The following NBEAL1 variants were observed in gnomAD, a reference collection of about 807,000 sequenced individuals.
NBEAL1 encodes neurobeachin like 1, also known as neurobeachin-like protein 1.
A neutral mutation model predicts 351.3 loss-of-function variants in NBEAL1; 273 were observed. The ratio of observed to expected loss-of-function variants is 0.78; its 90% CI spans 0.70 to 0.86. The LOEUF is 0.86. NBEAL1 is among the 40% of genes least tolerant of loss of function. The pLI, the probability that NBEAL1 is intolerant of heterozygous loss-of-function variation, is 0.00. For missense variants in NBEAL1, 2,961 were observed against 3,201.3 expected (o/e 0.92, Z 1.81); for synonymous variants, 1,050 against 1,086.4 (o/e 0.97, Z 0.66).
rs372736403 is a variant in NBEAL1 at position 203,172,724 on chromosome 2, T to G, written c.6199-5T>G. ...TGTCTAAATTGTAAATTATGGCTCTTTTAGTTTCCCTGGATTTTACAAGAT... is the reference window on the plus strand; with the variant it reads ...TGTCTAAATTGTAAATTATGGCTCTGTTAGTTTCCCTGGATTTTACAAGAT... On this transcript the variant is annotated splice_polypyrimidine_tract_variant and splice_region_variant and intron_variant, in intron 40 of 55. Transcript: ENST00000683969. The G allele has an allele frequency of 1.0e-4, 164 of 1,603,302 alleles. 1 individual carries two copies. Among genetic ancestry groups the G allele is most frequent in the Non-Finnish European group, 3.0e-5 (35 of 1,175,696 alleles).
In NBEAL1 at chr2:203,104,769, T is replaced by C. The variant is rs1029145648; in HGVS notation, c.1270-2651T>C. ...AGTAATGAATTCTTTTAGCATTTGCTTCTCTGAAAAGGATCTTATTCTTCC... is the reference window on the plus strand; with the variant it reads ...AGTAATGAATTCTTTTAGCATTTGCCTCTCTGAAAAGGATCTTATTCTTCC... On this transcript the variant is annotated intron_variant, in intron 12 of 55. Transcript: ENST00000683969. 2.0e-5 allele frequency among the ~76,000 whole-genome samples: 3 copies of C among 152,336 alleles called. No individual in the cohort carries two copies. The South Asian group carries it at 6.2e-4, about 32-fold the overall frequency.
chr2:203,136,275 ATGT>A (rs762780812), intron 28 of NBEAL1, 23 bp downstream of exon 28: 26 of 1,488,416 alleles, frequency 1.7e-5, no homozygotes, highest in Non-Finnish European at 2.1e-5. Flanking sequence ...ATTTTTCCAA[ATGT>A]TGTTTTTATT....
At chr2:203,141,363 A>ATTATTTTTTATTT (rs1370129192) in intron 31 of NBEAL1, among the ~76,000 whole-genome samples, 1 of 17,488 alleles carries the variant, frequency 5.7e-5, no homozygotes, top group Non-Finnish European at 1.4e-4. Context: ...TATTATTATT[A>ATTATTTTTTATTT]TTATTTTTTT....
chr2:203,155,492 A>G (rs2063776404), intron 35 of NBEAL1, among the ~76,000 whole-genome samples: 1 of 151,958 alleles, frequency 6.6e-6, no homozygotes, highest in African/African-American at 2.4e-5. Flanking sequence ...GCTGGAGTGC[A>G]GTGGTGCAGT....
At chr2:203,017,065 A>T (rs1237162900) in intron 2 of NBEAL1, among the ~76,000 whole-genome samples, 2 of 152,094 alleles carry the variant, frequency 1.3e-5, no homozygotes, top group Admixed American at 1.3e-4. Flanking sequence ...ACTCCTTAAT[A>T]TTTTTGTCAC....
At chr2:203,094,572 T>G (rs1287775447) in intron 10 of NBEAL1, among the ~76,000 whole-genome samples, 1 of 152,210 alleles carries the variant, frequency 6.6e-6, no homozygotes, top group African/African-American at 2.4e-5. Flanking sequence ...TTTCATGCTT[T>G]CTTTTTGTAT....
At chr2:203,108,293 A>G (rs1410329047) in intron 14 of NBEAL1, 105 bp downstream of exon 14, 3 of 844,372 alleles carry the variant, frequency 3.6e-6, no homozygotes, top group Non-Finnish European at 5.4e-6. Context: ...TTAGATATAC[A>G]GCTTATCTAA....
At chr2:203,179,157 ATACT>A (rs975428616) in intron 42 of NBEAL1, among the ~76,000 whole-genome samples, 2 of 152,228 alleles carry the variant, frequency 1.3e-5, no homozygotes, top group Non-Finnish European at 2.9e-5. Flanking sequence ...AGGCCATTAA[ATACT>A]TAATAAATCC....
At chr2:203,115,670 T>C (rs2106254359) in intron 17 of NBEAL1, among the ~76,000 whole-genome samples, 1 of 152,256 alleles carries the variant, frequency 6.6e-6, no homozygotes, top group East Asian at 1.9e-4. Context: ...GCTCAAGTGA[T>C]CCACCTGCTT....
chr2:203,200,609 G>A (rs572933549), intron 49 of NBEAL1, among the ~76,000 whole-genome samples: 21 of 152,118 alleles, frequency 1.4e-4, no homozygotes, highest in African/African-American at 4.1e-4. Flanking sequence ...CAGGAGAATC[G>A]CTTGAACCCA....
At chr2:203,165,041 A>G (rs2064092071) in intron 36 of NBEAL1, among the ~76,000 whole-genome samples, 1 of 152,038 alleles carries the variant, frequency 6.6e-6, no homozygotes, top group Non-Finnish European at 1.5e-5. Flanking sequence ...TTGTATTTTT[A>G]GTAGAGACGG....
chr2:203,133,943 C>T (rs2063137670), intron 27 of NBEAL1, among the ~76,000 whole-genome samples: 1 of 151,798 alleles, frequency 6.6e-6, no homozygotes, highest in Non-Finnish European at 1.5e-5. Context: ...TATTGATAGA[C>T]ATTTAGGTTG....
chr2:203,159,999 G>A (rs1372627901), intron 36 of NBEAL1, among the ~76,000 whole-genome samples: 1 of 150,540 alleles, frequency 6.6e-6, no homozygotes. Context: ...ATAATGTTGA[G>A]CATCTTTCCA....
chr2:203,127,951 G>A lies in NBEAL1; in HGVS notation c.3405+14G>A, dbSNP rs2062980747. On this transcript the variant is annotated intron_variant, in intron 24 of 55. Transcript: ENST00000683969. ...GAAGAAGAACAGGTATTATGCCTAAGATACATCTACTTTTCCTTTTTAACA... is the reference window on the plus strand; with the variant it reads ...GAAGAAGAACAGGTATTATGCCTAAAATACATCTACTTTTCCTTTTTAACA... 3 of 1,538,248 alleles carry A rather than the reference G, an allele frequency of 2.0e-6. No individual in the cohort carries two copies. Among genetic ancestry groups the A allele is most frequent in the African/African-American group, 1.4e-5 (1 of 72,630 alleles).
At chr2:203,175,058 A>G (rs1430069944) in intron 41 of NBEAL1, 89 bp from the exon 42 acceptor site, 1 of 1,139,584 alleles carries the variant, frequency 8.8e-7, no homozygotes, top group Non-Finnish European at 1.3e-6. Flanking sequence ...CTTTTTAAAA[A>G]CTGTATTTTC....
chr2:203,065,415 G>A (rs1216276815), intron 6 of NBEAL1, among the ~76,000 whole-genome samples: 4 of 152,130 alleles, frequency 2.6e-5, no homozygotes, highest in African/African-American at 7.2e-5. Flanking sequence ...TAGGTATGAT[G>A]TGAGTACAAT....
intron 27 of NBEAL1, among the ~76,000 whole-genome samples, chr2:203,134,874 A>T (rs181597801): frequency 3.8e-4 from 58 of 152,296 alleles, no homozygotes; most frequent in African/African-American, 1.4e-3. Context: ...GTGTAGACAT[A>T]CTGAACAAAA....
chr2:203,149,155 G>T lies in NBEAL1; in HGVS notation c.5462+7G>T. 1.3e-6 allele frequency: 2 copies of T among 1,572,244 alleles called. No individual in the cohort carries two copies. Among genetic ancestry groups the T allele is most frequent in the Non-Finnish European group, 1.7e-6 (2 of 1,159,292 alleles). ...GGGGACCTTGGGCTAAAAGGTAAGA[G>T]GATATAATTTTATTAAGTACTCCTT... is the stretch of plus-strand genomic sequence containing the variant. On this transcript the variant is annotated splice_region_variant and intron_variant, in intron 34 of 55. Coordinates refer to ENST00000683969, the MANE Select transcript of NBEAL1 (RefSeq NM_001378026.1).
chr2:203,213,744 G>A, intron 55 of NBEAL1, 91 bp downstream of exon 55: 2 of 1,548,894 alleles, frequency 1.3e-6, no homozygotes, highest in African/African-American at 1.4e-5. Flanking sequence ...GTCACCATTA[G>A]GGATAAACAA....
Sources: allele counts gnomAD v4.1 joint callset (sites outside exome capture counted in the v4.1 genomes callset), GRCh38; gene constraint gnomAD v4.1.1; transcripts MANE v1.5; gene names NCBI Gene and HGNC (gene_info 2026-07-23, HGNC 2026-07-21).